The following NPAS2 variants were observed in gnomAD, a reference collection of about 807,000 sequenced individuals.
NPAS2 encodes neuronal PAS domain protein 2.
In NPAS2, 23 loss-of-function variants were observed where a neutral mutation model predicts 107.5. The ratio of observed to expected loss-of-function variants is 0.21; its 90% CI spans 0.15 to 0.30. NPAS2 has a LOEUF of 0.30. Ranked by LOEUF, NPAS2 falls within the 10% of genes least tolerant of loss-of-function variation. NPAS2 has a pLI of 1.00. For missense variants in NPAS2, 756 were observed against 1,043.3 expected (o/e 0.72, Z 3.79); for synonymous variants, 403 against 417.5 (o/e 0.97, Z 0.42).
chr2:100,992,447 G>A (rs1678190395), intron 19 of NPAS2, among the ~76,000 whole-genome samples: 1 of 152,200 alleles, frequency 6.6e-6, no homozygotes, highest in African/African-American at 2.4e-5. Flanking sequence ...AGTGTTGGAG[G>A]TGTGGCCTGG....
chr2:100,985,646 T>C (rs1168710498), intron 16 of NPAS2: 1 of 152,258 alleles, frequency 6.6e-6, no homozygotes, highest in Non-Finnish European at 1.5e-5. Context: ...AAAAAGCTCC[T>C]TTTTTCATTT....
chr2:100,917,388 C>T (rs1682953746), intron 2 of NPAS2, among the ~76,000 whole-genome samples: 1 of 151,908 alleles, frequency 6.6e-6, no homozygotes, highest in Admixed American at 6.6e-5. Context: ...ATTAGCCAGG[C>T]GTGGTGGCGG....
chr2:100,839,688 C>A (rs367845989), intron 1 of NPAS2, among the ~76,000 whole-genome samples: 1 of 152,092 alleles, frequency 6.6e-6, no homozygotes, highest in Non-Finnish European at 1.5e-5. Flanking sequence ...AGAGTTGGTG[C>A]CCCTGACCCC....
At chr2:100,916,096 G>A (rs1485621384) in intron 2 of NPAS2, among the ~76,000 whole-genome samples, 1 of 151,924 alleles carries the variant, frequency 6.6e-6, no homozygotes, top group Non-Finnish European at 1.5e-5. Context: ...AAAGAAATAT[G>A]GAGGGGAAAA....
intron 7 of NPAS2, among the ~76,000 whole-genome samples, chr2:100,957,876 T>C (rs1047223976): frequency 6.6e-6 from 1 of 152,012 alleles, no homozygotes; most frequent in African/African-American, 2.4e-5. Flanking sequence ...TGCCGTGAGC[T>C]GAGATCGCGC....
intron 13 of NPAS2, 132 bp from the exon 14 acceptor site, chr2:100,975,326 A>G (rs150451215): frequency 5.8e-5 from 46 of 792,378 alleles, no homozygotes; most frequent in Non-Finnish European, 8.6e-5. Flanking sequence ...TCAACCCTGC[A>G]TGGTGGACTT....
At chr2:100,818,967 GCT>G (rs1167688236), upstream of NPAS2, among the ~76,000 whole-genome samples, 6 of 152,150 alleles carry the variant, frequency 3.9e-5, no homozygotes, top group Non-Finnish European at 8.8e-5. Context: ...GTTTTCACCG[GCT>G]CTGTCTTGGA....
At chr2:100,975,604 G>A (rs757367437) in intron 14 of NPAS2, 37 bp downstream of exon 14, 49 of 1,475,132 alleles carry the variant, frequency 3.3e-5, no homozygotes, top group African/African-American at 5.6e-5. Flanking sequence ...ACGGGTGTAC[G>A]CTACAATGTG....
At chr2:100,842,379 A>G (rs560991497) in intron 1 of NPAS2, among the ~76,000 whole-genome samples, 1 of 152,194 alleles carries the variant, frequency 6.6e-6, no homozygotes, top group South Asian at 2.1e-4. Context: ...CGTAGACAGA[A>G]TGCATCGTGC....
At chr2:100,926,648 TA>T (rs1041672543) in intron 3 of NPAS2, among the ~76,000 whole-genome samples, 6 of 152,150 alleles carry the variant, frequency 3.9e-5, no homozygotes, top group Admixed American at 3.9e-4. Flanking sequence ...TTTTTCTTTT[TA>T]TGCTGGAGTG....
In NPAS2 at chr2:100,971,017, G is replaced by A. The variant is rs780664004; in HGVS notation, c.1083G>A (p.Arg361=). The stretch of plus-strand genomic sequence containing the variant: ...ACGCAGATGTCCGGGTGGAAAGGAG[G>A]CAGGAGCTGGCTCTGGAAGACCCGC... ...VSYADVRVER[R]QELALEDPPS... The change falls in exon 12 of 21, where the codon AGG becomes AGA. Residue 361 remains arginine, a synonymous_variant. Coordinates refer to ENST00000335681, the MANE Select transcript of NPAS2 (RefSeq NM_002518.4). 6.2e-7 allele frequency: 1 copy of A among 1,614,038 alleles called. No homozygotes were observed. Among genetic ancestry groups the A allele is most frequent in the Non-Finnish European group, 8.5e-7 (1 of 1,180,030 alleles).
chr2:100,995,609 A>G lies in NPAS2; in HGVS notation c.*27A>G, dbSNP rs555578062. The G allele has an allele frequency of 6.3e-6, 10 of 1,592,218 alleles. No individual in the cohort carries two copies. In the East Asian group the frequency reaches 1.1e-4, roughly 18 times the overall value. ...GCCCCGGCACTGAAGTCGGGACACA[A>G]TCAGCTTTAACCAATGGATGAGGGG... On this transcript the variant is annotated 3_prime_UTR_variant, in exon 21 of 21. Coordinates refer to ENST00000335681, the MANE Select transcript of NPAS2 (RefSeq NM_002518.4).
chr2:100,981,666 C>T lies in NPAS2; in HGVS notation c.1483-565C>T, dbSNP rs187850986. 3.9e-5 allele frequency among the ~76,000 whole-genome samples: 6 copies of T among 152,166 alleles called. No individual in the cohort carries two copies. In the East Asian group the frequency reaches 1.2e-3, roughly 30 times the overall value. On this transcript the variant is annotated intron_variant, in intron 15 of 20. Coordinates refer to ENST00000335681, the MANE Select transcript of NPAS2 (RefSeq NM_002518.4). The stretch of plus-strand genomic sequence containing the variant: ...TTTTTGCACAGATTTCCGAGACGTG[C>T]ATAGTAGCAAGTAAGGCTGGAGAGG...
rs143542914 is a variant in NPAS2, at chr2:100,993,407, C to T, written c.2172C>T (p.Ser724=). ...NPDAHPANSS[S]APMPVLLMGQ... Reference sequence around the variant, plus strand: ...ACGCACACCCCGCCAACAGCAGCAGCGCCCCGATGCCCGTCCTGCTGATGG... The same window carrying T: ...ACGCACACCCCGCCAACAGCAGCAGTGCCCCGATGCCCGTCCTGCTGATGG... The change falls in exon 20 of 21, where the codon AGC becomes AGT. Residue 724 remains serine, a synonymous_variant. Transcript: ENST00000335681. 3.7e-5 allele frequency: 60 copies of T among 1,612,494 alleles called. No homozygotes were observed. The Middle Eastern group carries it at 4.9e-4, about 13-fold the overall frequency.
At chr2:100,987,590 G>C (rs1677850848) in intron 16 of NPAS2, 3 of 156,260 alleles carry the variant, frequency 1.9e-5, no homozygotes, top group African/African-American at 7.2e-5. Flanking sequence ...TCACTGGTCA[G>C]AGATTCAAGG....
At chr2:100,935,376 C>T (rs1684233909) in intron 4 of NPAS2, among the ~76,000 whole-genome samples, 2 of 152,330 alleles carry the variant, frequency 1.3e-5, no homozygotes, top group Non-Finnish European at 2.9e-5. Context: ...TTAGAAAATT[C>T]TGGGCCATTA....
intron 1 of NPAS2, among the ~76,000 whole-genome samples, chr2:100,891,282 C>T (rs1681051757): frequency 6.6e-6 from 1 of 151,410 alleles, no homozygotes; most frequent in Non-Finnish European, 1.5e-5. Context: ...GATGGTGCAA[C>T]ATGAGGGTGC....
chr2:100,990,406 T>C lies in NPAS2; in HGVS notation c.1978T>C (p.Cys660Arg). ...PASTSQDASQ[C>R]QPSPDFSHDR... ...TTCCACCTCCCAGGATGCCAGCCAGTGCCAGCCCAGCCCAGACTTCAGCCA... is the reference window on the plus strand; with the variant it reads ...TTCCACCTCCCAGGATGCCAGCCAGCGCCAGCCCAGCCCAGACTTCAGCCA... The change falls in exon 18 of 21, where the codon TGC (cysteine) becomes CGC (arginine). Residue 660 changes from cysteine to arginine, a missense_variant. Coordinates refer to ENST00000335681, the MANE Select transcript of NPAS2 (RefSeq NM_002518.4). The C allele has an allele frequency of 6.2e-7, 1 of 1,614,214 alleles. No homozygotes were observed. Among genetic ancestry groups the C allele is most frequent in the Non-Finnish European group, 8.5e-7 (1 of 1,180,024 alleles).
rs370026606 is a variant in NPAS2 at position 100,995,844 on chromosome 2, G to C, written c.*262G>C. On this transcript the variant is annotated 3_prime_UTR_variant, in exon 21 of 21. Transcript: ENST00000335681. ...ATACTGGACAGGAACCAGGTGCCCC[G>C]TGTAGGCATCGTCGGTCGGTTTGCC... 3.9e-6 allele frequency: 6 copies of C among 1,528,266 alleles called. No homozygotes were observed. Among genetic ancestry groups the C allele is most frequent in the Non-Finnish European group, 5.3e-6 (6 of 1,133,308 alleles). The allele number at this position is 1,528,266 out of a possible 1,614,324, so 94.7% of individuals were successfully genotyped here.
Sources: gnomAD v4.1 joint callset for allele counts (sites outside exome capture counted in the v4.1 genomes callset) on GRCh38, gnomAD v4.1.1 for gene constraint, MANE v1.5 for transcripts, NCBI Gene and HGNC (gene_info 2026-07-23, HGNC 2026-07-21) for gene names.